The following PRDM15 variants were observed in gnomAD, a reference collection of about 807,000 sequenced individuals.
PRDM15 encodes the protein PR domain zinc finger protein 15.
In PRDM15, 64 loss-of-function variants were observed where a neutral mutation model predicts 128.6. The ratio of observed to expected loss-of-function variants is 0.50; its 90% CI spans 0.41 to 0.61. The LOEUF is 0.61. Among genes scored for constraint, PRDM15 ranks in the 20% least tolerant of loss-of-function variants. PRDM15 has a pLI of 0.00. For missense variants in PRDM15, 1,242 were observed against 1,569.1 expected, an observed-to-expected ratio of 0.79 and a Z score of 3.52; for synonymous variants, 615 against 621.8, an observed-to-expected ratio of 0.99 and a Z score of 0.16.
chr21:41,876,705 C>T (rs998128205), intron 1 of PRDM15, among the ~76,000 whole-genome samples: 1 of 152,232 alleles, frequency 6.6e-6, no homozygotes, highest in Non-Finnish European at 1.5e-5. Flanking sequence ...GTCTGCTCTA[C>T]AGGGCCCCTG....
intron 1 of PRDM15, among the ~76,000 whole-genome samples, chr21:41,867,647 T>C (rs564354863): frequency 1.3e-4 from 20 of 152,356 alleles, no homozygotes; most frequent in South Asian, 6.2e-4. Flanking sequence ...CTGCAAAGGC[T>C]GAGGAGGTTT....
intron 21 of PRDM15, among the ~76,000 whole-genome samples, chr21:41,806,386 C>T (rs1426833504): frequency 5.5e-5 from 3 of 54,444 alleles, no homozygotes; most frequent in African/African-American, 2.8e-4. Flanking sequence ...CCATCACCAC[C>T]ACCACCATCA....
intron 1 of PRDM15, among the ~76,000 whole-genome samples, chr21:41,866,347 G>A (rs959746893): frequency 2.6e-5 from 4 of 152,190 alleles, no homozygotes; most frequent in African/African-American, 4.8e-5. Context: ...TATTGTTTTC[G>A]ATATTTACAA....
intron 11 of PRDM15, among the ~76,000 whole-genome samples, chr21:41,833,784 G>A (rs980380568): frequency 6.6e-6 from 1 of 152,180 alleles, no homozygotes; most frequent in Non-Finnish European, 1.5e-5. Context: ...TGCCTTAGCC[G>A]CTTCTAGTAC....
chr21:41,806,938 ACCACCACCATCT>A (rs1252907798), intron 21 of PRDM15, among the ~76,000 whole-genome samples: 8,352 of 148,496 alleles, frequency 0.056, 316 homozygotes, highest in Middle Eastern at 0.12. Context: ...TATCACCATC[ACCACCACCATCT>A]CCACCACCAT....
Position 41,862,089 on chromosome 21 carries a change from C to G in PRDM15, c.-9-1717G>C. The G allele has an allele frequency of 2.0e-6, 2 of 1,003,284 alleles. No individual in the cohort carries two copies. The highest frequency in any genetic ancestry group is 2.7e-5 in the South Asian group (2 of 74,020). 62.1% of individuals were successfully genotyped at this position (1,003,284 alleles called of 1,614,324 possible). ...GGCAGTGAGCAGGAGATGAACAGGACAAAGGGCAGAAGAAACCCAGAGTGG... is the reference window on the plus strand; with the variant it reads ...GGCAGTGAGCAGGAGATGAACAGGAGAAAGGGCAGAAGAAACCCAGAGTGG... On this transcript the variant is annotated intron_variant, in intron 1 of 23. Coordinates refer to ENST00000398548, the MANE Select transcript of PRDM15 (RefSeq NM_001040424.3). The surrounding 1 kb of genome is among the most constrained non-coding windows in gnomAD (Gnocchi z 4.1).
intron 11 of PRDM15, among the ~76,000 whole-genome samples, chr21:41,833,939 A>G (rs1225756395): frequency 6.6e-6 from 1 of 152,244 alleles, no homozygotes; most frequent in Non-Finnish European, 1.5e-5. Flanking sequence ...ACACTCCTGC[A>G]GGACTGCGGG....
intron 6 of PRDM15, among the ~76,000 whole-genome samples, chr21:41,843,921 C>G (rs943517532): frequency 6.7e-6 from 1 of 148,452 alleles, no homozygotes; most frequent in African/African-American, 2.5e-5. Flanking sequence ...CGCATTCCTG[C>G]CTGGGTGACA....
chr21:41,858,354 C>T (rs1407628838), intron 3 of PRDM15, among the ~76,000 whole-genome samples: 3 of 150,878 alleles, frequency 2.0e-5, no homozygotes, highest in Non-Finnish European at 4.4e-5. Context: ...CAGGCCCCTC[C>T]GACAGAGGCG....
At chr21:41,877,457 G>A (rs2064460850) in intron 1 of PRDM15, 1 of 152,262 alleles carries the variant, frequency 6.6e-6, no homozygotes, top group Non-Finnish European at 1.5e-5. Context: ...CCAGCACTGT[G>A]AGGGGAGCTG....
At chr21:41,871,594 ACTGACCCT>A in intron 1 of PRDM15, 1 of 1,611,322 alleles carries the variant, frequency 6.2e-7, no homozygotes, top group South Asian at 1.1e-5. Flanking sequence ...AGAGCTGCTC[ACTGACCCT>A]CTGGTTCCCA....
At position 41,859,961 on chromosome 21, in the gene PRDM15, A is replaced by G. The variant is rs1390457684; in HGVS notation, c.38-276T>C. Among the ~76,000 whole-genome samples, 3 of 152,142 alleles carry G rather than the reference A, an allele frequency of 2.0e-5. No homozygotes were observed. Among genetic ancestry groups the G allele is most frequent in the African/African-American group, 4.8e-5 (2 of 41,434 alleles). ...CTCCGCCGCACGCCTCAAATCAAGC[A>G]CGGTCACCTCCATGGTGACGAAGAC... On this transcript the variant is annotated intron_variant, in intron 2 of 23. Transcript: ENST00000398548. The surrounding 1 kb of genome is among the most constrained non-coding windows in gnomAD (Gnocchi z 5.3).
intron 6 of PRDM15, among the ~76,000 whole-genome samples, chr21:41,841,339 G>T (rs1281020283): frequency 3.9e-5 from 6 of 152,170 alleles, no homozygotes; most frequent in African/African-American, 1.2e-4. Flanking sequence ...ATAATGGAAG[G>T]CATAAAGTAG....
chr21:41,873,345 A>G (rs2064282852), intron 1 of PRDM15, among the ~76,000 whole-genome samples: 2 of 151,982 alleles, frequency 1.3e-5, no homozygotes, highest in African/African-American at 4.8e-5. Flanking sequence ...CTACCCTCAC[A>G]CCTCGGTTAG....
At chr21:41,843,950 T>TAA (rs1555883669) in intron 6 of PRDM15, among the ~76,000 whole-genome samples, 145 of 123,242 alleles carry the variant, frequency 1.2e-3, no homozygotes, top group East Asian at 2.3e-3. Flanking sequence ...CCTTGTATTG[T>TAA]AAAAAAAAAA....
In PRDM15 at chr21:41,811,103, C is replaced by T. The variant is rs2061849328; in HGVS notation, c.2393-267G>A. 1 of 455,978 alleles carries T rather than the reference C, an allele frequency of 2.2e-6. No individual in the cohort carries two copies. Among genetic ancestry groups the T allele is most frequent in the African/African-American group, 2.0e-5 (1 of 51,166 alleles). 28.2% of individuals were successfully genotyped at this position (455,978 alleles called of 1,614,324 possible). ...CTGAAAACACAGACAGAAAGTGGAACCCACATGTGGACAAGCAGAAAAACG... is the reference window on the plus strand; with the variant it reads ...CTGAAAACACAGACAGAAAGTGGAATCCACATGTGGACAAGCAGAAAAACG... On this transcript the variant is annotated intron_variant, in intron 19 of 23. Coordinates refer to ENST00000398548, the MANE Select transcript of PRDM15 (RefSeq NM_001040424.3). This position sits in a 1 kb window ranked among gnomAD's most constrained non-coding sequence, Gnocchi z 4.1.
At chr21:41,855,587 T>C (rs1013024271) in intron 4 of PRDM15, among the ~76,000 whole-genome samples, 2 of 152,120 alleles carry the variant, frequency 1.3e-5, no homozygotes, top group East Asian at 1.9e-4. Flanking sequence ...CACCAGCTGC[T>C]GAGGAAGGTG....
At chr21:41,865,192 C>CCATG in intron 1 of PRDM15, among the ~76,000 whole-genome samples, 1 of 151,244 alleles carries the variant, frequency 6.6e-6, no homozygotes, top group African/African-American at 2.4e-5. Flanking sequence ...CACTCCCCAG[C>CCATG]CCTCTCTGCC....
Position 41,816,668 on chromosome 21 carries a change from C to T in PRDM15, c.2261-832G>A, listed in dbSNP as rs1048937635. Among the ~76,000 whole-genome samples, 12 of 152,184 alleles carry T rather than the reference C, an allele frequency of 7.9e-5. 1 individual carries two copies. Among genetic ancestry groups the T allele is most frequent in the African/African-American group, 2.7e-4 (11 of 41,458 alleles). On this transcript the variant is annotated intron_variant, in intron 18 of 23. Coordinates refer to ENST00000398548, the MANE Select transcript of PRDM15 (RefSeq NM_001040424.3). The stretch of plus-strand genomic sequence containing the variant: ...CTCACCAGATGCAGGGGTGACCATC[C>T]ACCAGCTCCTGCCAGAATTCTAAAG...
Sources: gnomAD v4.1 joint callset for allele counts (sites outside exome capture counted in the v4.1 genomes callset) on GRCh38, gnomAD v4.1.1 for gene constraint, Gnocchi (gnomAD v3.1) non-coding constraint, MANE v1.5 for transcripts, NCBI Gene and HGNC (gene_info 2026-07-23, HGNC 2026-07-21) for gene names.